The following NNMT variants were observed in gnomAD, a reference collection of about 807,000 sequenced individuals.
NNMT encodes the protein nicotinamide N-methyltransferase.
NNMT carries 10 observed loss-of-function variants against 11.7 expected under a neutral mutation model. The observed-to-expected ratio is 0.85, with a 90% confidence interval of 0.53 to 1.45. The LOEUF is 1.45. NNMT is among the 40% of genes most tolerant of loss of function. NNMT has a pLI of 0.00. For missense variants in NNMT, 381 were observed against 319.4 expected, an observed-to-expected ratio of 1.19 and a Z score of -1.47; for synonymous variants, 143 against 133.8, an observed-to-expected ratio of 1.07 and a Z score of -0.48.
At chr11:114,263,473 G>A (rs559210800) in intron 2 of NNMT, among the ~76,000 whole-genome samples, 4 of 152,212 alleles carry the variant, frequency 2.6e-5, no homozygotes, top group East Asian at 3.9e-4. Flanking sequence ...AGGAGCTTGC[G>A]TCGAGAGACA....
intron 1 of NNMT, among the ~76,000 whole-genome samples, chr11:114,259,650 G>A (rs902824047): frequency 6.6e-6 from 1 of 152,170 alleles, no homozygotes; most frequent in African/African-American, 2.4e-5. Flanking sequence ...AGGAGGGCAG[G>A]CTCCTCTCCA....
At chr11:114,278,611 C>CGTGT (rs1565721279) in intron 2 of NNMT, among the ~76,000 whole-genome samples, 1 of 128,594 alleles carries the variant, frequency 7.8e-6, no homozygotes, top group South Asian at 2.7e-4. Context: ...ACCTAATACT[C>CGTGT]ATGTGTGTGT....
chr11:114,294,004 G>A (rs576907167), upstream of NNMT, among the ~76,000 whole-genome samples: 5 of 152,254 alleles, frequency 3.3e-5, no homozygotes, highest in African/African-American at 1.2e-4. Flanking sequence ...GGAACTGGAG[G>A]TCATAATGTT....
chr11:114,295,637 G>A (rs974617903), upstream of NNMT, among the ~76,000 whole-genome samples: 7 of 151,816 alleles, frequency 4.6e-5, no homozygotes, highest in Admixed American at 3.9e-4. Context: ...CACCATGTTA[G>A]CCAGGATGGT....
At chr11:114,261,585 A>AAAAC (rs111300493) in intron 1 of NNMT, among the ~76,000 whole-genome samples, 8,198 of 151,778 alleles carry the variant, frequency 0.054, 552 homozygotes, top group African/African-American at 0.16. Context: ...ACTCCATCTC[A>AAAAC]AAACAAACAA....
intron 2 of NNMT, among the ~76,000 whole-genome samples, chr11:114,277,792 G>A (rs1052625161): frequency 3.3e-5 from 5 of 152,154 alleles, no homozygotes; most frequent in African/African-American, 1.2e-4. Context: ...GGGCAGGTAA[G>A]TGATCGATTC....
intron 2 of NNMT, among the ~76,000 whole-genome samples, chr11:114,299,897 C>T (rs1945421389): frequency 6.7e-6 from 1 of 150,088 alleles, no homozygotes; most frequent in African/African-American, 2.5e-5. Flanking sequence ...GTCTTGTTTT[C>T]TTTCTGTTGT....
intron 2 of NNMT, among the ~76,000 whole-genome samples, chr11:114,277,773 A>T (rs979012332): frequency 1.3e-5 from 2 of 152,142 alleles, no homozygotes; most frequent in African/African-American, 4.8e-5. Flanking sequence ...GTTGATAGGC[A>T]TGGGTGGTGG....
At chr11:114,288,072 T>C (rs889429603) in intron 2 of NNMT, among the ~76,000 whole-genome samples, 3 of 152,220 alleles carry the variant, frequency 2.0e-5, no homozygotes, top group African/African-American at 7.2e-5. Context: ...TTTATATTGA[T>C]TTCATATCCA....
chr11:114,310,656 C>A (rs887684636), intron 2 of NNMT, among the ~76,000 whole-genome samples: 8 of 152,328 alleles, frequency 5.3e-5, no homozygotes, highest in African/African-American at 1.7e-4. Context: ...CTGGAGTCTG[C>A]ATCAGATGGT....
At chr11:114,308,754 A>C (rs1366062143) in intron 2 of NNMT, among the ~76,000 whole-genome samples, 1 of 152,108 alleles carries the variant, frequency 6.6e-6, no homozygotes, top group African/African-American at 2.4e-5. Flanking sequence ...TGGTGAGTCC[A>C]TTTCCCTGCG....
chr11:114,307,815 C>T (rs1945506839), intron 2 of NNMT, among the ~76,000 whole-genome samples: 2 of 151,802 alleles, frequency 1.3e-5, no homozygotes, highest in African/African-American at 4.8e-5. Flanking sequence ...TGGTTAACTC[C>T]TACGTATTTA....
chr11:114,292,940 A>G (rs942605367), upstream of NNMT, among the ~76,000 whole-genome samples: 4 of 152,338 alleles, frequency 2.6e-5, no homozygotes, highest in East Asian at 5.8e-4. Flanking sequence ...AAGGAAAGCT[A>G]TCATTGAAAT....
At chr11:114,302,001 A>C (rs191918410) in intron 2 of NNMT, among the ~76,000 whole-genome samples, 9 of 152,118 alleles carry the variant, frequency 5.9e-5, no homozygotes, top group African/African-American at 2.2e-4. Flanking sequence ...TTTGGGGATA[A>C]TTTATCCTGC....
intron 1 of NNMT, among the ~76,000 whole-genome samples, chr11:114,259,420 C>T (rs908521798): frequency 1.3e-5 from 2 of 152,162 alleles, no homozygotes; most frequent in Non-Finnish European, 1.5e-5. Flanking sequence ...CCGTGTCTGC[C>T]GCATGCCAGA....
rs199618034 is a variant in NNMT at position 114,312,160 on chromosome 11, G to A, written c.478G>A (p.Val160Met). 3.1e-5 allele frequency: 50 copies of A among 1,614,072 alleles called. No individual in the cohort carries two copies. The highest frequency in any genetic ancestry group is 1.1e-4 in the South Asian group (10 of 91,092). Reference protein sequence around the residue: ...GAVPLPPADCVLSTLCLDAAC... With the variant: ...GAVPLPPADCMLSTLCLDAAC... ...CGTCCCCTTACCCCCGGCTGACTGC[G>A]TGCTCAGCACACTGTGTCTGGATGC... Residue 160 changes from valine (V) to methionine (M), a missense_variant, in exon 3 of 3, where the codon GTG becomes ATG. Val to Met is a conservative substitution (Grantham distance 21, BLOSUM62 1). Transcript: ENST00000299964.
chr11:114,297,789 G>A (rs1005362383), intron 1 of NNMT, among the ~76,000 whole-genome samples, 162 bp from the exon 2 acceptor site: 3 of 152,126 alleles, frequency 2.0e-5, no homozygotes, highest in Non-Finnish European at 2.9e-5. Context: ...GCCTGGCCCA[G>A]AAAAGATGTT....
At chr11:114,259,356 G>T (rs1329175814) in intron 1 of NNMT, among the ~76,000 whole-genome samples, 1 of 150,520 alleles carries the variant, frequency 6.6e-6, no homozygotes, top group Non-Finnish European at 1.5e-5. Context: ...GTGGGGGGGG[G>T]GGAGCTCCTG....
chr11:114,265,335 T>A (rs1392599586), intron 2 of NNMT, among the ~76,000 whole-genome samples: 2 of 152,188 alleles, frequency 1.3e-5, no homozygotes, highest in Non-Finnish European at 2.9e-5. Flanking sequence ...ACTGACTTGC[T>A]CCTTTTGGAA....
Sources: gnomAD v4.1 joint callset for allele counts (sites outside exome capture counted in the v4.1 genomes callset) on GRCh38, gnomAD v4.1.1 for gene constraint, MANE v1.5 for transcripts, NCBI Gene and HGNC (gene_info 2026-07-23, HGNC 2026-07-21) for gene names.